The following SLC9A9 variants were observed in gnomAD, a reference collection of about 807,000 sequenced individuals.
SLC9A9 encodes sodium/hydrogen exchanger 9.
In SLC9A9, 62 loss-of-function variants were observed where a neutral mutation model predicts 77.8. The ratio of observed to expected loss-of-function variants is 0.80; its 90% CI spans 0.65 to 0.98. The LOEUF (loss-of-function observed/expected upper bound fraction) is 0.98, where lower values mean the gene tolerates loss of function less well. Among genes scored for constraint, SLC9A9 ranks in the 50% least tolerant of loss-of-function variants. The pLI is 0.00. For missense variants in SLC9A9, 775 were observed against 774.9 expected (o/e 1.00, Z 0.00); for synonymous variants, 320 against 283.5 (o/e 1.13, Z -1.29).
At chr3:143,620,377 C>T (rs1261224874) in intron 6 of SLC9A9, among the ~76,000 whole-genome samples, 1 of 152,162 alleles carries the variant, frequency 6.6e-6, no homozygotes, top group Non-Finnish European at 1.5e-5. Context: ...TCAGTACTAA[C>T]ACATAGTAAA....
intron 5 of SLC9A9, among the ~76,000 whole-genome samples, chr3:143,658,309 C>T (rs1560016762): frequency 6.6e-6 from 1 of 152,212 alleles, no homozygotes; most frequent in Admixed American, 6.5e-5. Flanking sequence ...TAACTTATTT[C>T]CTCTCTGTTG....
intron 2 of SLC9A9, among the ~76,000 whole-genome samples, chr3:143,818,870 T>C (rs1487056526): frequency 4.6e-5 from 7 of 151,810 alleles, no homozygotes; most frequent in East Asian, 2.0e-4. Context: ...TCACCTGAGG[T>C]TGGGAGTTCA....
In SLC9A9 at chr3:143,728,742, A is replaced by T. The variant is rs571686148; in HGVS notation, c.534-35435T>A. Among the ~76,000 whole-genome samples the T allele has an allele frequency of 9.9e-5, 15 of 152,160 alleles. No individual in the cohort carries two copies. In the South Asian group the frequency reaches 3.1e-3, roughly 32 times the overall value. ...CAGCAGTGAGGACGTTAAGGGGAAC[A>T]GATTAGAAATATATTTGAAGGAAGA... On this transcript the variant is annotated intron_variant, in intron 4 of 15. Coordinates refer to ENST00000316549, the MANE Select transcript of SLC9A9 (RefSeq NM_173653.4).
chr3:143,353,439 C>T (rs900372049), intron 14 of SLC9A9, among the ~76,000 whole-genome samples: 1 of 152,210 alleles, frequency 6.6e-6, no homozygotes, highest in African/African-American at 2.4e-5. Context: ...TCTTCCACCA[C>T]ATGAGGATAG....
chr3:143,728,734 A>G (rs1198548405), intron 4 of SLC9A9, among the ~76,000 whole-genome samples: 1 of 152,062 alleles, frequency 6.6e-6, no homozygotes, highest in Non-Finnish European at 1.5e-5. Context: ...GAGGACGTTA[A>G]GGGGAACAGA....
At chr3:143,497,595 G>A (rs2035856763) in intron 9 of SLC9A9, among the ~76,000 whole-genome samples, 1 of 152,118 alleles carries the variant, frequency 6.6e-6, no homozygotes. Context: ...GGATAACAGA[G>A]GAAATGGCCG....
chr3:143,514,154 G>A (rs1187850467), intron 9 of SLC9A9, among the ~76,000 whole-genome samples: 1 of 151,578 alleles, frequency 6.6e-6, no homozygotes, highest in Non-Finnish European at 1.5e-5. Context: ...CTTCATCCAT[G>A]TCCCTACAAA....
intron 4 of SLC9A9, among the ~76,000 whole-genome samples, chr3:143,764,482 T>C (rs2007238451): frequency 6.6e-6 from 1 of 152,198 alleles, no homozygotes; most frequent in African/African-American, 2.4e-5. Context: ...AGATGCACAG[T>C]CACCACCTCA....
intron 9 of SLC9A9, among the ~76,000 whole-genome samples, chr3:143,542,663 A>T (rs2036708914): frequency 6.6e-6 from 1 of 152,232 alleles, no homozygotes; most frequent in Non-Finnish European, 1.5e-5. Flanking sequence ...TACGCATCCA[A>T]CTCATTAAAT....
At position 143,783,335 on chromosome 3, in the gene SLC9A9, G is replaced by A. The variant is rs1027156077; in HGVS notation, c.533+11666C>T. ...AACACTGAGGCTCTACCTCGCTGCT[G>A]CCCTCCCCCTTGCCTTCCCTCTGCC... On this transcript the variant is annotated intron_variant, in intron 4 of 15. Transcript: ENST00000316549. Among the ~76,000 whole-genome samples, 3 of 152,012 alleles carry A rather than the reference G, an allele frequency of 2.0e-5. No homozygotes were observed. The East Asian group carries it at 5.8e-4, about 30-fold the overall frequency.
In SLC9A9 at chr3:143,268,787, C is replaced by CT. The variant is rs1192216200; in HGVS notation, c.1710+87dup. On this transcript the variant is annotated intron_variant, in intron 15 of 15. Coordinates refer to ENST00000316549, the MANE Select transcript of SLC9A9 (RefSeq NM_173653.4). ...CCTCCTCAATCCTGCAAGTAGCAGG[C>CT]TTTTTGAGGTTCCTGGGCTCATCGA... The CT allele has an allele frequency of 1.4e-5, 9 of 657,796 alleles. No homozygotes were observed. The African/African-American group carries it at 1.5e-4, about 11-fold the overall frequency. The allele number at this position is 657,796 out of a possible 1,614,324, so 40.7% of individuals were successfully genotyped here. A position where few individuals can be genotyped will look rare whatever the true frequency, so the allele number is the denominator to read the frequency against.
intron 9 of SLC9A9, chr3:143,517,210 C>A: frequency 7.6e-7 from 1 of 1,316,428 alleles, no homozygotes. Context: ...TTGCTGGGTT[C>A]TGAGCCACAT....
chr3:143,496,912 G>A (rs1415381288), intron 9 of SLC9A9, among the ~76,000 whole-genome samples: 2 of 152,190 alleles, frequency 1.3e-5, no homozygotes, highest in Non-Finnish European at 2.9e-5. Flanking sequence ...ATTTGGTGCT[G>A]ATGAGAGTCC....
At chr3:143,815,868 A>AAAAC (rs372331676) in intron 2 of SLC9A9, among the ~76,000 whole-genome samples, 5 of 152,282 alleles carry the variant, frequency 3.3e-5, no homozygotes, top group South Asian at 2.1e-4. Context: ...CCATCTCAAA[A>AAAAC]AAACAAACAA....
intron 14 of SLC9A9, among the ~76,000 whole-genome samples, chr3:143,347,462 C>G (rs1475879911): frequency 6.6e-6 from 1 of 152,150 alleles, no homozygotes; most frequent in Non-Finnish European, 1.5e-5. Context: ...CAAACAGAAT[C>G]TGGCATAAGA....
intron 2 of SLC9A9, among the ~76,000 whole-genome samples, chr3:143,817,437 C>A (rs59653678): frequency 6.6e-6 from 1 of 151,994 alleles, no homozygotes; most frequent in Non-Finnish European, 1.5e-5. Flanking sequence ...CGTGAGCCAC[C>A]GCGCCCGGCC....
intron 14 of SLC9A9, among the ~76,000 whole-genome samples, chr3:143,337,121 T>C (rs1217156341): frequency 1.3e-5 from 2 of 152,128 alleles, no homozygotes; most frequent in Non-Finnish European, 2.9e-5. Context: ...GGAGAGAATA[T>C]TATAATTTTA....
At chr3:143,450,061 A>G (rs1283537831) in intron 12 of SLC9A9, among the ~76,000 whole-genome samples, 2 of 40,380 alleles carry the variant, frequency 5.0e-5, no homozygotes, top group African/African-American at 2.1e-4. Flanking sequence ...ACACATATAT[A>G]ATATGTATAT....
intron 14 of SLC9A9, among the ~76,000 whole-genome samples, chr3:143,285,231 C>T (rs569245850): frequency 6.6e-6 from 1 of 152,158 alleles, no homozygotes; most frequent in African/African-American, 2.4e-5. Flanking sequence ...TAGCCCTCTC[C>T]TAGCCCCCCA....
Sources: gnomAD v4.1 joint callset for allele counts (sites outside exome capture counted in the v4.1 genomes callset) on GRCh38, gnomAD v4.1.1 for gene constraint, MANE v1.5 for transcripts, NCBI Gene and HGNC (gene_info 2026-07-23, HGNC 2026-07-21) for gene names.